CTNNA2: variants seen among roughly 807,000 people sequenced by gnomAD.
CTNNA2 encodes catenin alpha-2.
A neutral mutation model predicts 101.0 loss-of-function variants in CTNNA2; 42 were observed. The observed-to-expected ratio is 0.42, with a 90% CI of 0.32 to 0.54. The LOEUF (loss-of-function observed/expected upper bound fraction) is 0.54, where lower values mean the gene tolerates loss of function less well. CTNNA2 is among the 20% of genes least tolerant of loss of function. The pLI is 0.14. For missense variants in CTNNA2, 871 were observed against 1,223.1 expected, an observed-to-expected ratio of 0.71 and a Z score of 4.29; for synonymous variants, 450 against 456.4, an observed-to-expected ratio of 0.99 and a Z score of 0.18.
rs771474697 is a variant in CTNNA2 at position 79,909,717 on chromosome 2, G to T, written c.976G>T (p.Asp326Tyr). ...GGCCGACTCCTCCTGCACGCGAGAC[G>T]ACCGGCGCGAGAGGATCGTGGCGGA... Reference protein sequence around the residue: ...LMADSSCTRDDRRERIVAECN... With the variant: ...LMADSSCTRDYRRERIVAECN... Residue 326 changes from aspartate to tyrosine, a missense_variant, in exon 7 of 19, where the codon GAC becomes TAC. By Grantham distance (160) the Asp-to-Tyr change is radical. Around this residue, in one of 5 missense-constraint regions of CTNNA2, gnomAD observed 647 missense variants for 831.5 expected, o/e 0.78. Coordinates refer to ENST00000402739, the MANE Select transcript of CTNNA2 (RefSeq NM_001282597.3). 2.5e-6 allele frequency: 4 copies of T among 1,613,894 alleles called. No individual in the cohort carries two copies. The highest frequency in any genetic ancestry group is 1.1e-5 in the South Asian group (1 of 91,016).
intron 7 of CTNNA2, among the ~76,000 whole-genome samples, chr2:80,141,088 A>G (rs1387972285): frequency 6.6e-6 from 1 of 152,032 alleles, no homozygotes; most frequent in Non-Finnish European, 1.5e-5. Flanking sequence ...TTACTGTTTT[A>G]GAATGTAGAA....
At chr2:79,465,791 A>AT (rs1398687757) in intron 4 of CTNNA2, among the ~76,000 whole-genome samples, 1 of 75,062 alleles carries the variant, frequency 1.3e-5, no homozygotes, top group African/African-American at 8.4e-5. Flanking sequence ...TTTGTTTGTT[A>AT]TTTGGTATAA....
At chr2:80,561,014 A>G (rs1693539206) in intron 12 of CTNNA2, among the ~76,000 whole-genome samples, 1 of 151,812 alleles carries the variant, frequency 6.6e-6, no homozygotes, top group Non-Finnish European at 1.5e-5. Context: ...ATTTCTGTGT[A>G]TCAATGGGAA....
chr2:80,419,213 G>A (rs1427658646), intron 8 of CTNNA2, among the ~76,000 whole-genome samples: 1 of 152,170 alleles, frequency 6.6e-6, no homozygotes, highest in Non-Finnish European at 1.5e-5. Context: ...CCCATAGTGT[G>A]TATTGAGCAA....
intron 13 of CTNNA2, among the ~76,000 whole-genome samples, chr2:80,578,260 A>G (rs1232218934): frequency 6.6e-6 from 1 of 152,208 alleles, no homozygotes; most frequent in Non-Finnish European, 1.5e-5. Flanking sequence ...CGAAACTAGG[A>G]GTAGACTTTA....
intron 1 of CTNNA2, among the ~76,000 whole-genome samples, chr2:79,551,452 G>A (rs938473384): frequency 1.3e-5 from 2 of 152,176 alleles, no homozygotes; most frequent in African/African-American, 2.4e-5. Context: ...AGTAAATGCA[G>A]AGTCAAGCAA....
chr2:79,631,418 C>T (rs1679685755), intron 1 of CTNNA2, among the ~76,000 whole-genome samples: 1 of 152,126 alleles, frequency 6.6e-6, no homozygotes, highest in South Asian at 2.1e-4. Context: ...TGCCCAGTGT[C>T]AACAAACCAC....
At chr2:80,399,923 A>C (rs1352119527) in intron 8 of CTNNA2, among the ~76,000 whole-genome samples, 1 of 152,198 alleles carries the variant, frequency 6.6e-6, no homozygotes. Flanking sequence ...CTTTCAGTTT[A>C]CCAGAACATT....
chr2:79,748,645 T>A (rs1395560702), intron 3 of CTNNA2, among the ~76,000 whole-genome samples: 2 of 152,154 alleles, frequency 1.3e-5, no homozygotes, highest in Non-Finnish European at 2.9e-5. Flanking sequence ...TCATTATAAT[T>A]ACCCCATCTG....
intron 7 of CTNNA2, among the ~76,000 whole-genome samples, chr2:80,185,609 A>C (rs1270459998): frequency 1.3e-5 from 2 of 152,216 alleles, no homozygotes; most frequent in Non-Finnish European, 2.9e-5. Flanking sequence ...TGCTAACTGC[A>C]TTGCAAATTG....
At chr2:80,327,132 A>T (rs1355611166) in intron 7 of CTNNA2, among the ~76,000 whole-genome samples, 1 of 152,094 alleles carries the variant, frequency 6.6e-6, no homozygotes, top group East Asian at 1.9e-4. Flanking sequence ...TCTGAGTGTA[A>T]CTCTGAGGGC....
chr2:79,406,759 G>A (rs1184598431), intron 4 of CTNNA2, among the ~76,000 whole-genome samples: 1 of 151,888 alleles, frequency 6.6e-6, no homozygotes, highest in Non-Finnish European at 1.5e-5. Context: ...AAATCTTGGG[G>A]CTATAGGAAA....
At chr2:79,850,085 A>G (rs1407702730) in intron 3 of CTNNA2, among the ~76,000 whole-genome samples, 2 of 152,000 alleles carry the variant, frequency 1.3e-5, no homozygotes, top group Non-Finnish European at 2.9e-5. Flanking sequence ...ACATGTGACA[A>G]TAAGGAGTGG....
chr2:79,284,992 A>G (rs1199098168), intron 2 of CTNNA2, among the ~76,000 whole-genome samples: 3 of 98,486 alleles, frequency 3.0e-5, no homozygotes, highest in South Asian at 4.3e-4. Flanking sequence ...GTCTTGGAAG[A>G]GTGTATGTGT....
Position 80,578,296 on chromosome 2 carries a change from C to G in CTNNA2, c.1894-3410C>G, listed in dbSNP as rs75561947. On this transcript the variant is annotated intron_variant, in intron 13 of 18. Transcript: ENST00000402739. ...AATAGTTTCTGTTTATTGAAAAAAGCCTTCCCAAAGAGCACATAGAACTTT... is the reference window on the plus strand; with the variant it reads ...AATAGTTTCTGTTTATTGAAAAAAGGCTTCCCAAAGAGCACATAGAACTTT... Among the ~76,000 whole-genome samples, 1,503 of 152,242 alleles carry G rather than the reference C, an allele frequency of 9.9e-3. 19 individuals carry two copies. The highest frequency in any genetic ancestry group is 0.033 in the African/African-American group (1,374 of 41,540).
chr2:79,375,847 C>T (rs1412818300), intron 4 of CTNNA2, among the ~76,000 whole-genome samples: 1 of 152,088 alleles, frequency 6.6e-6, no homozygotes, highest in Admixed American at 6.5e-5. Context: ...TACCCAAACT[C>T]ATACATTCAT....
chr2:80,250,693 G>C (rs1263820036), intron 7 of CTNNA2, among the ~76,000 whole-genome samples: 1 of 152,128 alleles, frequency 6.6e-6, no homozygotes, highest in Non-Finnish European at 1.5e-5. Context: ...ACACAGGGCT[G>C]TGGCTGAGGA....
intron 7 of CTNNA2, among the ~76,000 whole-genome samples, chr2:80,058,296 A>G (rs1331549858): frequency 6.6e-6 from 1 of 152,226 alleles, no homozygotes; most frequent in Non-Finnish European, 1.5e-5. Context: ...TTTAGTTTAC[A>G]GAGTTTAAAG....
intron 2 of CTNNA2, among the ~76,000 whole-genome samples, chr2:79,202,348 T>C (rs374052149): frequency 6.6e-6 from 1 of 151,570 alleles, no homozygotes; most frequent in East Asian, 1.9e-4. Flanking sequence ...TTTTTTATTT[T>C]TTTTATTTTT....
Sources: gnomAD v4.1 joint callset for allele counts (sites outside exome capture counted in the v4.1 genomes callset) on GRCh38, gnomAD v4.1.1 for gene constraint, gnomAD v4.1.1 regional missense constraint, MANE v1.5 for transcripts, NCBI Gene and HGNC (gene_info 2026-07-23, HGNC 2026-07-21) for gene names.